Variants in SPATA31D3 observed in about 807,000 individuals in gnomAD.
The protein encoded by SPATA31D3 is spermatogenesis-associated protein 31D3.
For synonymous variants in SPATA31D3, 27 were observed against 107.8 expected (o/e 0.25, Z 4.65); for missense variants, 91 against 297.9 (o/e 0.31, Z 5.11).
Position 81,949,651 on chromosome 9 carries a change from C to A in SPATA31D3, c.*1644C>A. On this transcript the variant is annotated 3_prime_UTR_variant, in exon 4 of 4. Coordinates refer to ENST00000445385, the MANE Select transcript of SPATA31D3 (RefSeq NM_207416.3). ...GAAATCTCAGAATGTGCCAGAACTG[C>A]AGGTCAGAGCAGAGCCTGTCCAGGG... 1 of 968,384 alleles carries A rather than the reference C, an allele frequency of 1.0e-6. No individual in the cohort carries two copies. 60.0% of individuals were successfully genotyped at this position (968,384 alleles called of 1,614,324 possible). A position where few individuals can be genotyped will look rare whatever the true frequency, so the allele number is the denominator to read the frequency against.
In SPATA31D3 at chr9:81,948,089, C is replaced by G; in HGVS notation, c.*82C>G. On this transcript the variant is annotated 3_prime_UTR_variant, in exon 4 of 4. Coordinates refer to ENST00000445385, the MANE Select transcript of SPATA31D3 (RefSeq NM_207416.3). ...GAAGAGGATATTTCCAATTCCTTTT[C>G]CCATTTCTACCTTCCCTCCTCAGCC... is the stretch of plus-strand genomic sequence containing the variant. 6.6e-7 allele frequency: 1 copy of G among 1,525,214 alleles called. No individual in the cohort carries two copies. The allele number at this position is 1,525,214 out of a possible 1,614,324, so 94.5% of individuals were successfully genotyped here.
rs1343705242 is a variant in SPATA31D3 at position 81,948,166 on chromosome 9, C to T, written c.*159C>T. ...AGATGGGGTCTCTAAGTCTTGTAGA[C>T]GAAGCACTTTTCAAGGAGAAAAGTT... On this transcript the variant is annotated 3_prime_UTR_variant, in exon 4 of 4. Coordinates refer to ENST00000445385, the MANE Select transcript of SPATA31D3 (RefSeq NM_207416.3). 37 of 1,386,228 alleles carry T rather than the reference C, an allele frequency of 2.7e-5. 1 individual carries two copies. The highest frequency in any genetic ancestry group is 1.9e-4 in the Middle Eastern group (1 of 5,252). The allele number at this position is 1,386,228 out of a possible 1,614,324, so 85.9% of individuals were successfully genotyped here.
Position 81,949,361 on chromosome 9 carries a change from C to T in SPATA31D3, c.*1354C>T. ...CCTCCTCCTGAAAACCTTTTCGGAA[C>T]ATTGATGAAGACCTTTTTGCAGCAG... On this transcript the variant is annotated 3_prime_UTR_variant, in exon 4 of 4. Coordinates refer to ENST00000445385, the MANE Select transcript of SPATA31D3 (RefSeq NM_207416.3). 2 of 354,264 alleles carry T rather than the reference C, an allele frequency of 5.6e-6. No homozygotes were observed. Among genetic ancestry groups the T allele is most frequent in the Non-Finnish European group, 1.1e-5 (2 of 179,832 alleles). 21.9% of individuals were successfully genotyped at this position (354,264 alleles called of 1,614,324 possible). A position where few individuals can be genotyped will look rare whatever the true frequency, so the allele number is the denominator to read the frequency against.
In SPATA31D3 at chr9:81,948,500, A is replaced by C; in HGVS notation, c.*493A>C. Reference sequence around the variant, plus strand: ...GCTGATACTGACGAGGATCTTACAGAAAGTGTCTGGACAACTGAGGATGGC... The same window carrying C: ...GCTGATACTGACGAGGATCTTACAGCAAGTGTCTGGACAACTGAGGATGGC... On this transcript the variant is annotated 3_prime_UTR_variant, in exon 4 of 4. Coordinates refer to ENST00000445385, the MANE Select transcript of SPATA31D3 (RefSeq NM_207416.3). 1.0e-5 allele frequency: 1 copy of C among 97,778 alleles called. No individual in the cohort carries two copies. Among genetic ancestry groups the C allele is most frequent in the Non-Finnish European group, 1.6e-5 (1 of 61,918 alleles). 6.1% of individuals were successfully genotyped at this position (97,778 alleles called of 1,614,324 possible). A position where few individuals can be genotyped will look rare whatever the true frequency, so the allele number is the denominator to read the frequency against.
Position 81,949,701 on chromosome 9 carries a change from C to T in SPATA31D3, c.*1694C>T. 2 of 1,399,520 alleles carry T rather than the reference C, an allele frequency of 1.4e-6. No individual in the cohort carries two copies. Among genetic ancestry groups the T allele is most frequent in the South Asian group, 2.3e-5 (2 of 86,366 alleles). The allele number at this position is 1,399,520 out of a possible 1,614,324, so 86.7% of individuals were successfully genotyped here. On this transcript the variant is annotated 3_prime_UTR_variant, in exon 4 of 4. Coordinates refer to ENST00000445385, the MANE Select transcript of SPATA31D3 (RefSeq NM_207416.3). ...GCTATCCCTGCAACTACATGGCTCC[C>T]TCCTGCAAAGTGACATGTACCAAAT... is the stretch of plus-strand genomic sequence containing the variant.
chr9:81,949,468 A>G lies in SPATA31D3; in HGVS notation c.*1461A>G. ...CTCCTTGTCATCATCTGTGCAGAAT[A>G]GAGGTCGAGTTAAAAGTAGAGCTGT... On this transcript the variant is annotated 3_prime_UTR_variant, in exon 4 of 4. Transcript: ENST00000445385. 1 of 474,504 alleles carries G rather than the reference A, an allele frequency of 2.1e-6. No individual in the cohort carries two copies. The highest frequency in any genetic ancestry group is 4.0e-6 in the Non-Finnish European group (1 of 250,824). The allele number at this position is 474,504 out of a possible 1,614,324, so 29.4% of individuals were successfully genotyped here.
chr9:81,949,322 C>T lies in SPATA31D3; in HGVS notation c.*1315C>T, dbSNP rs1340187029. On this transcript the variant is annotated 3_prime_UTR_variant, in exon 4 of 4. Coordinates refer to ENST00000445385, the MANE Select transcript of SPATA31D3 (RefSeq NM_207416.3). ...TCGCTTGGGAGCAAATCTTCCCCAA[C>T]CTTGAAAACACAGCCTCCTCCTGAA... 3 of 373,974 alleles carry T rather than the reference C, an allele frequency of 8.0e-6. No individual in the cohort carries two copies. Among genetic ancestry groups the T allele is most frequent in the Non-Finnish European group, 1.6e-5 (3 of 192,044 alleles). The allele number at this position is 373,974 out of a possible 1,614,324, so 23.2% of individuals were successfully genotyped here.
chr9:81,949,696 G>A lies in SPATA31D3; in HGVS notation c.*1689G>A. On this transcript the variant is annotated 3_prime_UTR_variant, in exon 4 of 4. Transcript: ENST00000445385. ...CCAGGGCTATCCCTGCAACTACATGGCTCCCTCCTGCAAAGTGACATGTAC... is the reference window on the plus strand; with the variant it reads ...CCAGGGCTATCCCTGCAACTACATGACTCCCTCCTGCAAAGTGACATGTAC... 1.4e-6 allele frequency: 2 copies of A among 1,382,010 alleles called. No individual in the cohort carries two copies. The highest frequency in any genetic ancestry group is 2.3e-5 in the South Asian group (2 of 85,928). 85.6% of individuals were successfully genotyped at this position (1,382,010 alleles called of 1,614,324 possible). A position where few individuals can be genotyped will look rare whatever the true frequency, so the allele number is the denominator to read the frequency against.
In SPATA31D3 at chr9:81,945,636, G is replaced by A; in HGVS notation, c.383G>A (p.Arg128Gln). Residue 128 changes from arginine (R) to glutamine (Q), a missense_variant, in exon 4 of 4, where the codon CGG (arginine) becomes CAG (glutamine). Arg to Gln is a conservative substitution (Grantham distance 43, BLOSUM62 1). Transcript: ENST00000445385. ...CTGTTATGCCCAGACCCTGTCTGTC[G>A]GGTGTGTAACAGAGCAACTGCTGAT... ...RRLLCPDPVCRVCNRATADIQ... is the reference protein window; with the variant it reads ...RRLLCPDPVCQVCNRATADIQ... 4.1e-5 allele frequency: 5 copies of A among 122,208 alleles called. No homozygotes were observed. Among genetic ancestry groups the A allele is most frequent in the South Asian group, 1.9e-4 (1 of 5,358 alleles). 7.6% of individuals were successfully genotyped at this position (122,208 alleles called of 1,614,324 possible). A position where few individuals can be genotyped will look rare whatever the true frequency, so the allele number is the denominator to read the frequency against.
At position 81,949,364 on chromosome 9, in the gene SPATA31D3, T is replaced by G. The variant is rs559603743; in HGVS notation, c.*1357T>G. 3.1e-5 allele frequency: 11 copies of G among 353,782 alleles called. No homozygotes were observed. The highest frequency in any genetic ancestry group is 5.6e-5 in the Non-Finnish European group (10 of 179,428). The allele number at this position is 353,782 out of a possible 1,614,324, so 21.9% of individuals were successfully genotyped here. A position where few individuals can be genotyped will look rare whatever the true frequency, so the allele number is the denominator to read the frequency against. ...CCTCCTGAAAACCTTTTCGGAACATTGATGAAGACCTTTTTGCAGCAGTCT... is the reference window on the plus strand; with the variant it reads ...CCTCCTGAAAACCTTTTCGGAACATGGATGAAGACCTTTTTGCAGCAGTCT... On this transcript the variant is annotated 3_prime_UTR_variant, in exon 4 of 4. Coordinates refer to ENST00000445385, the MANE Select transcript of SPATA31D3 (RefSeq NM_207416.3).
rs1487913335 is a variant in SPATA31D3 at position 81,949,642 on chromosome 9, C to T, written c.*1635C>T. 10 of 905,666 alleles carry T rather than the reference C, an allele frequency of 1.1e-5. No homozygotes were observed. The highest frequency in any genetic ancestry group is 1.8e-5 in the Non-Finnish European group (10 of 553,188). The allele number at this position is 905,666 out of a possible 1,614,324, so 56.1% of individuals were successfully genotyped here. ...GCAGCTTGGGAAATCTCAGAATGTG[C>T]CAGAACTGCAGGTCAGAGCAGAGCC... On this transcript the variant is annotated 3_prime_UTR_variant, in exon 4 of 4. Transcript: ENST00000445385.
rs979322685 is a variant in SPATA31D3 at position 81,949,351 on chromosome 9, C to T, written c.*1344C>T. 5.9e-5 allele frequency: 21 copies of T among 357,356 alleles called. No homozygotes were observed. The highest frequency in any genetic ancestry group is 3.4e-4 in the African/African-American group (16 of 47,648). 22.1% of individuals were successfully genotyped at this position (357,356 alleles called of 1,614,324 possible). On this transcript the variant is annotated 3_prime_UTR_variant, in exon 4 of 4. Coordinates refer to ENST00000445385, the MANE Select transcript of SPATA31D3 (RefSeq NM_207416.3). ...GAAAACACAGCCTCCTCCTGAAAAC[C>T]TTTTCGGAACATTGATGAAGACCTT...
In SPATA31D3 at chr9:81,949,483, A is replaced by G; in HGVS notation, c.*1476A>G. ...TGTGCAGAATAGAGGTCGAGTTAAA[A>G]GTAGAGCTGTCTTTACTGGGACTAT... On this transcript the variant is annotated 3_prime_UTR_variant, in exon 4 of 4. Coordinates refer to ENST00000445385, the MANE Select transcript of SPATA31D3 (RefSeq NM_207416.3). The G allele has an allele frequency of 2.0e-6, 1 of 500,218 alleles. No individual in the cohort carries two copies. Among genetic ancestry groups the G allele is most frequent in the Non-Finnish European group, 3.7e-6 (1 of 266,902 alleles). 31.0% of individuals were successfully genotyped at this position (500,218 alleles called of 1,614,324 possible).
In SPATA31D3 at chr9:81,949,607, C is replaced by G; in HGVS notation, c.*1600C>G. 1.4e-6 allele frequency: 1 copy of G among 705,776 alleles called. No homozygotes were observed. Among genetic ancestry groups the G allele is most frequent in the South Asian group, 1.6e-5 (1 of 63,784 alleles). The allele number at this position is 705,776 out of a possible 1,614,324, so 43.7% of individuals were successfully genotyped here. On this transcript the variant is annotated 3_prime_UTR_variant, in exon 4 of 4. Transcript: ENST00000445385. ...ATCACCTGTCCCCAGGAGCCCCTTT[C>G]CTCCCCAGTGCAGCTTGGGAAATCT...
intron 3 of SPATA31D3, 128 bp downstream of exon 3, chr9:81,945,360 G>GTT (rs1278639873): frequency 2.8e-4 from 81 of 290,582 alleles, no homozygotes; most frequent in Middle Eastern, 1.2e-3. Context: ...GCCTGCTGTA[G>GTT]TTTTGGGAGT....
rs763286928 is a variant in SPATA31D3, at chr9:81,947,865, G to A, written c.2612G>A (p.Arg871Gln). 49 of 1,611,168 alleles carry A rather than the reference G, an allele frequency of 3.0e-5. 1 individual carries two copies. The East Asian group carries it at 3.6e-4, about 12-fold the overall frequency. Reference sequence around the variant, plus strand: ...AAATCCCACAGCCAAATTAAACATCGAAATTTGGCAGCATTGGTGAGTGAG... The same window carrying A: ...AAATCCCACAGCCAAATTAAACATCAAAATTTGGCAGCATTGGTGAGTGAG... ...PEKSHSQIKH[R>Q]NLAALVSEDH... Residue 871 changes from arginine to glutamine, a missense_variant, in exon 4 of 4, where the codon CGA (arginine) becomes CAA (glutamine). Arg to Gln is a conservative substitution (Grantham distance 43). Coordinates refer to ENST00000445385, the MANE Select transcript of SPATA31D3 (RefSeq NM_207416.3).
rs1417761797 is a variant in SPATA31D3, at chr9:81,948,957, A to G, written c.*950A>G. 6.1e-6 allele frequency: 2 copies of G among 325,812 alleles called. No homozygotes were observed. Among genetic ancestry groups the G allele is most frequent in the Non-Finnish European group, 1.1e-5 (2 of 177,032 alleles). The allele number at this position is 325,812 out of a possible 1,614,324, so 20.2% of individuals were successfully genotyped here. A position where few individuals can be genotyped will look rare whatever the true frequency, so the allele number is the denominator to read the frequency against. ...AGTTGGTCCAGAGGAAGCATAGCCA[A>G]CCTCAGAGCCATTTCACTGGCATGT... On this transcript the variant is annotated 3_prime_UTR_variant, in exon 4 of 4. Coordinates refer to ENST00000445385, the MANE Select transcript of SPATA31D3 (RefSeq NM_207416.3).
chr9:81,949,508 T>C lies in SPATA31D3; in HGVS notation c.*1501T>C, dbSNP rs538696286. 1.1e-5 allele frequency: 6 copies of C among 544,936 alleles called. No individual in the cohort carries two copies. Among genetic ancestry groups the C allele is most frequent in the Admixed American group, 8.5e-5 (3 of 35,104 alleles). 33.8% of individuals were successfully genotyped at this position (544,936 alleles called of 1,614,324 possible). A position where few individuals can be genotyped will look rare whatever the true frequency, so the allele number is the denominator to read the frequency against. On this transcript the variant is annotated 3_prime_UTR_variant, in exon 4 of 4. Transcript: ENST00000445385. ...AGTAGAGCTGTCTTTACTGGGACTA[T>C]TGAAGCTCAGAAAATTAGGAAAGAC...
Position 81,948,158 on chromosome 9 carries a change from C to A in SPATA31D3, c.*151C>A. On this transcript the variant is annotated 3_prime_UTR_variant, in exon 4 of 4. Transcript: ENST00000445385. ...GATTCCAAAGATGGGGTCTCTAAGT[C>A]TTGTAGACGAAGCACTTTTCAAGGA... is the stretch of plus-strand genomic sequence containing the variant. 7.1e-7 allele frequency: 1 copy of A among 1,412,396 alleles called. No homozygotes were observed. Among genetic ancestry groups the A allele is most frequent in the African/African-American group, 1.9e-5 (1 of 51,922 alleles). The allele number at this position is 1,412,396 out of a possible 1,614,324, so 87.5% of individuals were successfully genotyped here. A position where few individuals can be genotyped will look rare whatever the true frequency, so the allele number is the denominator to read the frequency against.
Sources: gnomAD v4.1 joint callset for allele counts on GRCh38, gnomAD v4.1.1 for gene constraint, MANE v1.5 for transcripts, NCBI Gene and HGNC (gene_info 2026-07-23, HGNC 2026-07-21) for gene names.